SGCZ: variants seen among roughly 807,000 people sequenced by gnomAD.
The protein encoded by SGCZ is zeta-sarcoglycan.
In SGCZ, 40 loss-of-function variants were observed where a neutral mutation model predicts 41.3. The observed-to-expected ratio is 0.97, with a 90% CI of 0.75 to 1.26. The LOEUF (loss-of-function observed/expected upper bound fraction) is 1.26, where lower values mean the gene tolerates loss of function less well. SGCZ is among the 50% of genes most tolerant of loss of function. The pLI, the probability that SGCZ is intolerant of heterozygous loss-of-function variation, is 0.00. For missense variants in SGCZ, 552 were observed against 369.8 expected (o/e 1.49, Z -4.04); for synonymous variants, 206 against 137.5 (o/e 1.50, Z -3.49).
chr8:14,424,379 G>A (rs1414646405), intron 2 of SGCZ, among the ~76,000 whole-genome samples: 1 of 152,152 alleles, frequency 6.6e-6, no homozygotes, highest in African/African-American at 2.4e-5. Context: ...GTGATTCACA[G>A]TAACACTACA....
At chr8:15,204,185 C>T (rs2117141475) in intron 1 of SGCZ, among the ~76,000 whole-genome samples, 1 of 152,222 alleles carries the variant, frequency 6.6e-6, no homozygotes, top group Admixed American at 6.5e-5. Context: ...AATAAAGAGG[C>T]AGTTGATCAC....
chr8:14,140,960 G>T (rs1460086422), intron 5 of SGCZ, among the ~76,000 whole-genome samples: 2 of 152,076 alleles, frequency 1.3e-5, no homozygotes, highest in Admixed American at 6.6e-5. Context: ...CATGTTACTG[G>T]TACCAAAACT....
chr8:14,720,079 C>G (rs1809830732), intron 1 of SGCZ, among the ~76,000 whole-genome samples: 2 of 151,988 alleles, frequency 1.3e-5, no homozygotes, highest in African/African-American at 4.8e-5. Flanking sequence ...ATATGGCTAG[C>G]CAGTTTTCCC....
intron 1 of SGCZ, among the ~76,000 whole-genome samples, chr8:15,052,424 G>C (rs148041490): frequency 9.2e-5 from 14 of 152,286 alleles, no homozygotes; most frequent in African/African-American, 3.4e-4. Context: ...GTCATGCAAA[G>C]GTTAGGACAG....
chr8:14,497,030 G>T (rs1275492259), intron 2 of SGCZ, among the ~76,000 whole-genome samples: 1 of 152,092 alleles, frequency 6.6e-6, no homozygotes, highest in Non-Finnish European at 1.5e-5. Flanking sequence ...TCTTGCAGTA[G>T]AATTAACACT....
intron 4 of SGCZ, among the ~76,000 whole-genome samples, chr8:14,193,833 C>A (rs983778665): frequency 6.6e-6 from 1 of 151,662 alleles, no homozygotes; most frequent in African/African-American, 2.4e-5. Flanking sequence ...ATGTTGTAAA[C>A]GCTTTTGGTT....
At chr8:14,432,578 C>T (rs10095571) in intron 2 of SGCZ, among the ~76,000 whole-genome samples, 21,086 of 152,042 alleles carry the variant, frequency 0.14, 3,901 homozygotes, top group African/African-American at 0.43. Flanking sequence ...GCAGTGTATA[C>T]TGCTCGGGTG....
chr8:14,632,653 C>T (rs1014250997), intron 1 of SGCZ, among the ~76,000 whole-genome samples: 1 of 152,038 alleles, frequency 6.6e-6, no homozygotes, highest in African/African-American at 2.4e-5. Context: ...TTAAATATAA[C>T]AACAGACTGC....
chr8:14,417,662 G>C (rs993307136), intron 2 of SGCZ, among the ~76,000 whole-genome samples: 3 of 151,724 alleles, frequency 2.0e-5, no homozygotes, highest in Non-Finnish European at 4.4e-5. Context: ...ATGATGACTA[G>C]AGTTACTAAT....
At chr8:14,207,719 G>C (rs1390816483) in intron 4 of SGCZ, among the ~76,000 whole-genome samples, 1 of 151,978 alleles carries the variant, frequency 6.6e-6, no homozygotes, top group Non-Finnish European at 1.5e-5. Flanking sequence ...CCCTATGTTT[G>C]AACACCTCAA....
chr8:15,004,436 C>A (rs1802528905), intron 1 of SGCZ, among the ~76,000 whole-genome samples: 1 of 152,060 alleles, frequency 6.6e-6, no homozygotes, highest in African/African-American at 2.4e-5. Flanking sequence ...CCAAAAAAGG[C>A]AGACACTTAA....
At chr8:14,629,046 G>A (rs183671797) in intron 1 of SGCZ, among the ~76,000 whole-genome samples, 232 of 152,192 alleles carry the variant, frequency 1.5e-3, no homozygotes, top group African/African-American at 5.3e-3. Context: ...ATTGCCCTAC[G>A]AAGGAAAAAG....
chr8:14,584,277 A>T (rs1027839366), intron 1 of SGCZ, among the ~76,000 whole-genome samples: 5 of 152,176 alleles, frequency 3.3e-5, no homozygotes, highest in Non-Finnish European at 7.4e-5. Context: ...CGCAGAAAGC[A>T]CAGGTAACCC....
intron 2 of SGCZ, among the ~76,000 whole-genome samples, chr8:14,443,105 G>C (rs1023307680): frequency 6.6e-6 from 1 of 152,072 alleles, no homozygotes; most frequent in Non-Finnish European, 1.5e-5. Flanking sequence ...ACTTACAAGG[G>C]ACATGAAGGA....
chr8:15,027,598 A>G (rs1803505633), intron 1 of SGCZ, among the ~76,000 whole-genome samples: 2 of 152,058 alleles, frequency 1.3e-5, no homozygotes, highest in African/African-American at 2.4e-5. Flanking sequence ...GAAGTCACAC[A>G]ATAGAAAGTG....
chr8:14,692,021 A>G (rs1223223756), intron 1 of SGCZ, among the ~76,000 whole-genome samples: 1 of 152,010 alleles, frequency 6.6e-6, no homozygotes, highest in South Asian at 2.1e-4. Context: ...ATTGATTGAA[A>G]TAATAATTTC....
intron 3 of SGCZ, among the ~76,000 whole-genome samples, chr8:14,321,670 C>A (rs1801922640): frequency 6.6e-6 from 1 of 151,982 alleles, no homozygotes; most frequent in Non-Finnish European, 1.5e-5. Context: ...ATTATTCTAC[C>A]CAGCATTTTT....
At chr8:14,873,702 T>C (rs1428889631) in intron 1 of SGCZ, among the ~76,000 whole-genome samples, 1 of 152,116 alleles carries the variant, frequency 6.6e-6, no homozygotes, top group African/African-American at 2.4e-5. Context: ...TCATTGGAAG[T>C]CCATGAGTAA....
intron 3 of SGCZ, among the ~76,000 whole-genome samples, chr8:14,262,400 G>T (rs1333298732): frequency 6.6e-6 from 1 of 151,978 alleles, no homozygotes; most frequent in Non-Finnish European, 1.5e-5. Context: ...AGTATACACT[G>T]GCCATAGAGA....
Sources: gnomAD v4.1 joint callset for allele counts (sites outside exome capture counted in the v4.1 genomes callset) on GRCh38, gnomAD v4.1.1 for gene constraint, MANE v1.5 for transcripts, NCBI Gene and HGNC (gene_info 2026-07-23, HGNC 2026-07-21) for gene names.